DSTN: variants seen among roughly 807,000 people sequenced by gnomAD.
The protein encoded by DSTN is destrin, actin depolymerizing factor.
In DSTN, 10 loss-of-function variants were observed where a neutral mutation model predicts 16.8. That is an observed-to-expected ratio of 0.60 (90% CI 0.37 to 1.01). The LOEUF is 1.01. Ranked by LOEUF, DSTN falls within the 50% of genes least tolerant of loss-of-function variation. The probability of loss-of-function intolerance (pLI) is 0.01; values close to 1 mark genes in which losing one functional copy is unlikely to be tolerated. For synonymous variants in DSTN, 57 were observed against 58.9 expected (o/e 0.97, Z 0.14); for missense variants, 141 against 196.7 (o/e 0.72, Z 1.69).
At position 17,600,471 on chromosome 20, in the gene DSTN, C is replaced by T. The variant is rs369371901; in HGVS notation, c.4-267C>T. On this transcript the variant is annotated intron_variant, in intron 1 of 3. Transcript: ENST00000246069. ...TAACCCAGCACCTTAGGAAACACTTCTTTTAAGGTTCTAGGGTAGGAGAGG... is the reference window on the plus strand; with the variant it reads ...TAACCCAGCACCTTAGGAAACACTTTTTTTAAGGTTCTAGGGTAGGAGAGG... 6.6e-5 allele frequency among the ~76,000 whole-genome samples: 10 copies of T among 152,112 alleles called. 1 individual carries two copies. The East Asian group carries it at 9.7e-4, about 15-fold the overall frequency.
chr20:17,603,367 CAAAT>C (rs1482984022), intron 2 of DSTN, among the ~76,000 whole-genome samples: 1 of 152,158 alleles, frequency 6.6e-6, no homozygotes, highest in African/African-American at 2.4e-5. Context: ...ACCAGGTCCT[CAAAT>C]AACGTCATTT....
intron 1 of DSTN, among the ~76,000 whole-genome samples, chr20:17,576,710 A>T (rs1600699022): frequency 6.6e-6 from 1 of 152,304 alleles, no homozygotes; most frequent in East Asian, 1.9e-4. Context: ...GTGCTTTTGG[A>T]TCACATCAAA....
At chr20:17,590,431 C>T (rs538334004) in intron 1 of DSTN, among the ~76,000 whole-genome samples, 8 of 152,208 alleles carry the variant, frequency 5.3e-5, no homozygotes, top group South Asian at 2.1e-4. Context: ...GGTAGTCAAG[C>T]GAGATAAAAT....
intron 1 of DSTN, among the ~76,000 whole-genome samples, chr20:17,574,820 C>CT (rs368112079): frequency 6.9e-6 from 1 of 144,610 alleles, no homozygotes; most frequent in African/African-American, 2.5e-5. Flanking sequence ...CTTTCCTTTC[C>CT]TTTTTTTCCT....
intron 1 of DSTN, among the ~76,000 whole-genome samples, chr20:17,574,865 C>CTTTTCTTTTTTTTTTTTTTTTTTTT (rs1354147534): frequency 9.3e-5 from 6 of 64,250 alleles, no homozygotes; most frequent in Admixed American, 3.7e-4. Flanking sequence ...CTTTTCTTTT[C>CTTTTCTTTTTTTTTTTTTTTTTTTT]TTTTGTTTTT....
intron 1 of DSTN, among the ~76,000 whole-genome samples, chr20:17,598,358 T>C (rs2035550816): frequency 6.6e-6 from 1 of 152,218 alleles, no homozygotes; most frequent in Non-Finnish European, 1.5e-5. Flanking sequence ...ACATTTGTTA[T>C]TGTCCATCTT....
chr20:17,591,032 C>T (rs1185633645), intron 1 of DSTN, among the ~76,000 whole-genome samples: 7 of 152,150 alleles, frequency 4.6e-5, no homozygotes, highest in Non-Finnish European at 5.9e-5. Context: ...CGCTTGAGCC[C>T]GGGAGATTGA....
At chr20:17,589,219 C>T (rs1409735555) in intron 1 of DSTN, among the ~76,000 whole-genome samples, 1 of 146,434 alleles carries the variant, frequency 6.8e-6, no homozygotes, top group Non-Finnish European at 1.5e-5. Flanking sequence ...CCTCCCCCTA[C>T]TTTTTTTTTT....
chr20:17,599,348 C>T (rs1345961733), intron 1 of DSTN: 7 of 152,280 alleles, frequency 4.6e-5, no homozygotes, highest in Non-Finnish European at 1.0e-4. Flanking sequence ...CCAGATACTT[C>T]ACAGCTCCCA....
intron 1 of DSTN, among the ~76,000 whole-genome samples, chr20:17,583,939 A>C (rs563419261): frequency 6.6e-6 from 1 of 151,440 alleles, no homozygotes; most frequent in Non-Finnish European, 1.5e-5. Context: ...AGGTCTCACT[A>C]TTTTGCCGAG....
chr20:17,571,030 A>G (rs924264576), intron 1 of DSTN, among the ~76,000 whole-genome samples: 5 of 152,236 alleles, frequency 3.3e-5, no homozygotes, highest in Non-Finnish European at 5.9e-5. Context: ...AAAAACCATT[A>G]AAATACTGGA....
chr20:17,603,340 T>G (rs2035606641), intron 2 of DSTN, among the ~76,000 whole-genome samples: 1 of 152,226 alleles, frequency 6.6e-6, no homozygotes, highest in Admixed American at 6.5e-5. Context: ...ACTACAGCTT[T>G]AAGCAAAACA....
chr20:17,578,417 G>A (rs1432945215), intron 1 of DSTN, among the ~76,000 whole-genome samples: 1 of 152,126 alleles, frequency 6.6e-6, no homozygotes, highest in African/African-American at 2.4e-5. Flanking sequence ...TGGGTTTTAA[G>A]TATTGAATTA....
At position 17,597,216 on chromosome 20, in the gene DSTN, G is replaced by A. The variant is rs575120860; in HGVS notation, c.4-3522G>A. Among the ~76,000 whole-genome samples, 3 of 152,282 alleles carry A rather than the reference G, an allele frequency of 2.0e-5. No homozygotes were observed. In the East Asian group the frequency reaches 5.8e-4, roughly 29 times the overall value. ...TTAAGAAAAGTGCTTTTTAAAATTA[G>A]GAATGTGGTAATATTGTGTACTTAT... On this transcript the variant is annotated intron_variant, in intron 1 of 3. Transcript: ENST00000246069.
chr20:17,603,688 G>A (rs16999465), intron 2 of DSTN, among the ~76,000 whole-genome samples: 4,151 of 152,238 alleles, frequency 0.027, 169 homozygotes, highest in African/African-American at 0.094. Flanking sequence ...CTTCTAACAC[G>A]CTTCCCTTCA....
At chr20:17,576,863 A>G (rs1003507769) in intron 1 of DSTN, among the ~76,000 whole-genome samples, 15 of 152,208 alleles carry the variant, frequency 9.9e-5, no homozygotes, top group Non-Finnish European at 2.1e-4. Flanking sequence ...TGTAAATGTA[A>G]TTAGTGTTTA....
At chr20:17,605,737 C>T (rs896750676) in intron 3 of DSTN, among the ~76,000 whole-genome samples, 1 of 152,122 alleles carries the variant, frequency 6.6e-6, no homozygotes, top group Non-Finnish European at 1.5e-5. Flanking sequence ...ACAGTGGATT[C>T]CTTATTATCT....
intron 1 of DSTN, chr20:17,599,952 G>T (rs2035568835): frequency 6.6e-6 from 1 of 152,122 alleles, no homozygotes; most frequent in Non-Finnish European, 1.5e-5. Context: ...AACAATTATG[G>T]ATATAATAAA....
chr20:17,572,613 A>G (rs1292091441), intron 1 of DSTN, among the ~76,000 whole-genome samples: 1 of 152,190 alleles, frequency 6.6e-6, no homozygotes, highest in Non-Finnish European at 1.5e-5. Flanking sequence ...AGACTGAACT[A>G]ATTGGCGCAG....
Sources: gnomAD v4.1 joint callset for allele counts (sites outside exome capture counted in the v4.1 genomes callset) on GRCh38, gnomAD v4.1.1 for gene constraint, MANE v1.5 for transcripts, NCBI Gene and HGNC (gene_info 2026-07-23, HGNC 2026-07-21) for gene names.